The following SHANK2 variants were observed in gnomAD, a reference collection of about 807,000 sequenced individuals.
SHANK2 encodes the protein SH3 and multiple ankyrin repeat domains 2.
In SHANK2, 43 loss-of-function variants were observed where a neutral mutation model predicts 133.7. The ratio of observed to expected loss-of-function variants is 0.32; its 90% CI spans 0.25 to 0.41. The LOEUF is 0.41. Ranked by LOEUF, SHANK2 falls within the 10% of genes least tolerant of loss-of-function variation. SHANK2 has a pLI of 1.00. For missense variants in SHANK2, 1,994 were observed against 2,235.8 expected (o/e 0.89, Z 2.18); for synonymous variants, 1,017 against 952.8 (o/e 1.07, Z -1.24).
At chr11:70,636,124 C>T (rs1210732402) in intron 17 of SHANK2, among the ~76,000 whole-genome samples, 4 of 152,270 alleles carry the variant, frequency 2.6e-5, no homozygotes, top group Non-Finnish European at 4.4e-5. Context: ...ACCACTCTGT[C>T]GACAAAGGCG....
intron 14 of SHANK2, among the ~76,000 whole-genome samples, chr11:70,754,139 A>G (rs1471120750): frequency 6.6e-6 from 1 of 152,250 alleles, no homozygotes; most frequent in Non-Finnish European, 1.5e-5. Flanking sequence ...GCATCTGAAA[A>G]AGACTTCTTG....
At chr11:71,151,263 G>A (rs190273032) in intron 2 of SHANK2, among the ~76,000 whole-genome samples, 1 of 137,850 alleles carries the variant, frequency 7.3e-6, no homozygotes, top group Admixed American at 6.8e-5. Context: ...GCCACGGGCA[G>A]TTCACCAGGA....
chr11:70,657,895 A>C (rs2061423008), intron 17 of SHANK2, among the ~76,000 whole-genome samples: 3 of 152,178 alleles, frequency 2.0e-5, no homozygotes, highest in African/African-American at 7.2e-5. Flanking sequence ...AGCCCCACCC[A>C]GGTGAGCGCT....
rs1465845917 is a variant in SHANK2 at position 70,599,533 on chromosome 11, AG to A, written c.2061+60294del. 1.7e-5 allele frequency among the ~76,000 whole-genome samples: 2 copies of A among 117,590 alleles called. 1 individual carries two copies. The highest frequency in any genetic ancestry group is 3.5e-5 in the Non-Finnish European group (2 of 57,004). The allele number at this position is 117,590 out of a possible 152,430, so 77.1% of individuals were successfully genotyped here. The stretch of plus-strand genomic sequence containing the variant: ...GAGGCAGGAGAATGGCGTGAACCCC[AG>A]GGGGCGGAGCCTGCAGTGAGCCGAG... On this transcript the variant is annotated intron_variant, in intron 17 of 25. Coordinates refer to ENST00000601538, the MANE Select transcript of SHANK2 (RefSeq NM_012309.5).
intron 17 of SHANK2, among the ~76,000 whole-genome samples, chr11:70,506,645 C>T (rs536655016): frequency 2.0e-5 from 3 of 152,318 alleles, no homozygotes. Flanking sequence ...TTTGGACGAG[C>T]TTCCCTGCAG....
At chr11:70,809,185 GAA>G (rs1320249954) in intron 12 of SHANK2, among the ~76,000 whole-genome samples, 1 of 152,224 alleles carries the variant, frequency 6.6e-6, no homozygotes, top group Non-Finnish European at 1.5e-5. Flanking sequence ...GAAAGACAGG[GAA>G]AGTGTCCACC....
intron 12 of SHANK2, among the ~76,000 whole-genome samples, chr11:70,819,047 C>A (rs1948462886): frequency 6.6e-6 from 1 of 152,182 alleles, no homozygotes; most frequent in Non-Finnish European, 1.5e-5. Flanking sequence ...AGACTCCCCG[C>A]AGCCAGGCTC....
chr11:70,776,881 C>G (rs1203026627), intron 14 of SHANK2, among the ~76,000 whole-genome samples: 1 of 151,530 alleles, frequency 6.6e-6, no homozygotes, highest in Non-Finnish European at 1.5e-5. Flanking sequence ...ACCCACCCAT[C>G]CATCCACCCA....
At chr11:70,743,162 C>G (rs1028404231) in intron 14 of SHANK2, among the ~76,000 whole-genome samples, 1 of 152,152 alleles carries the variant, frequency 6.6e-6, no homozygotes, top group Non-Finnish European at 1.5e-5. Flanking sequence ...GCAGAATGAT[C>G]GATAACAGCA....
chr11:70,478,192 G>A (rs1169990302), intron 25 of SHANK2, among the ~76,000 whole-genome samples: 1 of 150,550 alleles, frequency 6.6e-6, no homozygotes, highest in Non-Finnish European at 1.5e-5. Context: ...TTTTTTTTTG[G>A]AGACGGGGTC....
Position 71,188,478 on chromosome 11 carries a change from G to A in SHANK2, c.-13+36219C>T, listed in dbSNP as rs918052100. Among the ~76,000 whole-genome samples the A allele has an allele frequency of 3.3e-5, 5 of 152,286 alleles. No individual in the cohort carries two copies. The highest frequency in any genetic ancestry group is 1.3e-4 in the Admixed American group (2 of 15,304). On this transcript the variant is annotated intron_variant, in intron 2 of 25. Coordinates refer to ENST00000601538, the MANE Select transcript of SHANK2 (RefSeq NM_012309.5). The surrounding 1 kb of genome is among the most constrained non-coding windows in gnomAD (Gnocchi z 4.6). ...TGGGGAGAAGGACTTCGGCGCAAGG[G>A]AACAGGAAAACACTGCAAATATTTA...
chr11:70,745,325 C>T (rs550409667), intron 14 of SHANK2, among the ~76,000 whole-genome samples: 2 of 152,352 alleles, frequency 1.3e-5, no homozygotes, highest in African/African-American at 2.4e-5. Context: ...TGCTTACTCT[C>T]GGTTGAGTGG....
chr11:71,249,575 AAG>A (rs1385864690), intron 1 of SHANK2, among the ~76,000 whole-genome samples: 1 of 152,196 alleles, frequency 6.6e-6, no homozygotes, highest in Non-Finnish European at 1.5e-5. Context: ...GCAGGCAGGT[AAG>A]ACCTCAGGTG....
rs1172398000 is a variant in SHANK2 at position 71,188,397 on chromosome 11, G to A, written c.-13+36300C>T. Among the ~76,000 whole-genome samples, 1 of 152,152 alleles carries A rather than the reference G, an allele frequency of 6.6e-6. No homozygotes were observed. Among genetic ancestry groups the A allele is most frequent in the Non-Finnish European group, 1.5e-5 (1 of 68,028 alleles). On this transcript the variant is annotated intron_variant, in intron 2 of 25. Transcript: ENST00000601538. The surrounding 1 kb of genome is among the most constrained non-coding windows in gnomAD (Gnocchi z 4.6). ...AGTACACACCATCCCTCAGCAAGTT[G>A]TGCGTTCCCAACCAGGACCTGCTGA... is the stretch of plus-strand genomic sequence containing the variant.
chr11:70,501,505 C>T (rs1182125961), intron 20 of SHANK2, among the ~76,000 whole-genome samples: 6 of 152,214 alleles, frequency 3.9e-5, no homozygotes, highest in Admixed American at 2.0e-4. Context: ...GTGGAGCAAG[C>T]GTTTCCACCT....
At chr11:71,139,389 T>C (rs1345227284) in intron 3 of SHANK2, among the ~76,000 whole-genome samples, 1 of 151,542 alleles carries the variant, frequency 6.6e-6, no homozygotes, top group Non-Finnish European at 1.5e-5. Context: ...CATTAGAAGA[T>C]ATACCTTATG....
At chr11:70,929,834 A>G (rs1327491974) in intron 10 of SHANK2, among the ~76,000 whole-genome samples, 1 of 152,242 alleles carries the variant, frequency 6.6e-6, no homozygotes, top group Non-Finnish European at 1.5e-5. Flanking sequence ...CAACTGCAAT[A>G]TTGAAAGCTG....
chr11:70,519,429 T>C (rs2059303311), intron 17 of SHANK2, among the ~76,000 whole-genome samples: 1 of 152,142 alleles, frequency 6.6e-6, no homozygotes, highest in African/African-American at 2.4e-5. Context: ...AGGTGGACCA[T>C]CTGAGGTCAG....
intron 17 of SHANK2, among the ~76,000 whole-genome samples, chr11:70,629,174 C>T (rs782237014): frequency 1.3e-5 from 2 of 152,108 alleles, no homozygotes; most frequent in Non-Finnish European, 2.9e-5. Flanking sequence ...ATCCCAGCAC[C>T]GGAAGAGCCT....
Sources: allele counts gnomAD v4.1 joint callset (sites outside exome capture counted in the v4.1 genomes callset), GRCh38; gene constraint gnomAD v4.1.1; non-coding constraint Gnocchi (gnomAD v3.1); transcripts MANE v1.5; gene names NCBI Gene and HGNC (gene_info 2026-07-23, HGNC 2026-07-21).